PTPRC: variants seen among roughly 807,000 people sequenced by gnomAD.
The protein encoded by PTPRC is receptor-type tyrosine-protein phosphatase C.
PTPRC carries 44 observed loss-of-function variants against 155.9 expected under a neutral mutation model. The ratio of observed to expected loss-of-function variants is 0.28; its 90% CI spans 0.22 to 0.36. PTPRC has a LOEUF of 0.36. PTPRC is among the 10% of genes least tolerant of loss of function. The probability of loss-of-function intolerance (pLI) is 1.00; values close to 1 mark genes in which losing one functional copy is unlikely to be tolerated. For synonymous variants in PTPRC, 525 were observed against 533.1 expected, an observed-to-expected ratio of 0.98 and a Z score of 0.21; for missense variants, 1,401 against 1,564.6, an observed-to-expected ratio of 0.90 and a Z score of 1.76.
chr1:198,692,991 G>A, intron 3 of PTPRC: 9 of 936,774 alleles, frequency 9.6e-6, no homozygotes, highest in Non-Finnish European at 1.1e-5. Context: ...AATTGCAGAT[G>A]GTTAAATATC....
intron 15 of PTPRC, among the ~76,000 whole-genome samples, chr1:198,728,089 A>C (rs1654223433): frequency 6.6e-6 from 1 of 152,208 alleles, no homozygotes; most frequent in Non-Finnish European, 1.5e-5. Context: ...TATTTAATCA[A>C]AAGAAAGATA....
intron 14 of PTPRC, among the ~76,000 whole-genome samples, chr1:198,720,333 T>TTTA (rs1204722953): frequency 2.6e-5 from 4 of 152,056 alleles, no homozygotes; most frequent in Admixed American, 6.5e-5. Context: ...TTAAAAAAAT[T>TTTA]TTATTATTAT....
In PTPRC at chr1:198,747,222, G is replaced by A. The variant is rs186020099; in HGVS notation, c.2848-887G>A. 4.9e-3 allele frequency among the ~76,000 whole-genome samples: 726 copies of A among 149,678 alleles called. 3 individuals carry two copies. The highest frequency in any genetic ancestry group is 0.014 in the South Asian group (64 of 4,728). ...CTAGAGGGTAAGAAAAGTTATTAGA[G>A]CAACCAAAAGGGGAAAGGGTAGTTC... On this transcript the variant is annotated intron_variant, in intron 26 of 32. Coordinates refer to ENST00000442510, the MANE Select transcript of PTPRC (RefSeq NM_002838.5).
intron 2 of PTPRC, chr1:198,660,789 A>G (rs1663919480): frequency 6.6e-6 from 1 of 152,130 alleles, no homozygotes; most frequent in African/African-American, 2.4e-5. Context: ...ATAATCTACC[A>G]CCAACACAAT....
intron 2 of PTPRC, among the ~76,000 whole-genome samples, chr1:198,651,942 T>C (rs1019231585): frequency 4.0e-5 from 6 of 151,834 alleles, no homozygotes; most frequent in Non-Finnish European, 8.8e-5. Context: ...TGTTTCTACA[T>C]TGCTTCTAGT....
rs1198389678 is a variant in PTPRC, at chr1:198,640,993, A to G, written c.73+1652A>G. Among the ~76,000 whole-genome samples, 5 of 151,976 alleles carry G rather than the reference A, an allele frequency of 3.3e-5. No homozygotes were observed. In the East Asian group the frequency reaches 7.7e-4, roughly 23 times the overall value. ...AGACACATCTTTGAATTTATAATTG[A>G]AATAATATGATGGGGTCTAGAAACC... On this transcript the variant is annotated intron_variant, in intron 2 of 32. Transcript: ENST00000442510.
intron 2 of PTPRC, among the ~76,000 whole-genome samples, chr1:198,648,208 T>A (rs1663039737): frequency 6.6e-6 from 1 of 151,856 alleles, no homozygotes; most frequent in Non-Finnish European, 1.5e-5. Flanking sequence ...TAGACAATAG[T>A]CCTATTTTGT....
intron 2 of PTPRC, among the ~76,000 whole-genome samples, chr1:198,670,111 A>G (rs1455662754): frequency 6.6e-6 from 1 of 152,154 alleles, no homozygotes; most frequent in Non-Finnish European, 1.5e-5. Flanking sequence ...TTTTATAGTG[A>G]TATAGACATT....
At chr1:198,696,606 T>C in intron 3 of PTPRC, 106 bp from the exon 4 acceptor site, 1 of 917,062 alleles carries the variant, frequency 1.1e-6, no homozygotes, top group Non-Finnish European at 1.8e-6. Flanking sequence ...TATATGTACA[T>C]ACACACTATA....
At chr1:198,695,993 C>T (rs930398889) in intron 3 of PTPRC, among the ~76,000 whole-genome samples, 2 of 152,006 alleles carry the variant, frequency 1.3e-5, no homozygotes, top group African/African-American at 4.8e-5. Flanking sequence ...AACCCCATCT[C>T]TACTAAAAGT....
rs370437508 is a variant in PTPRC, at chr1:198,755,607, A to G, written c.3646-299A>G. Among the ~76,000 whole-genome samples, 13 of 152,240 alleles carry G rather than the reference A, an allele frequency of 8.5e-5. No homozygotes were observed. In the East Asian group the frequency reaches 1.9e-3, roughly 23 times the overall value. ...CTTAAATAATGTGTAGGCATTAGAC[A>G]GGAGGATAAGTACAAAACGTGGCAT... On this transcript the variant is annotated intron_variant, in intron 32 of 32. Transcript: ENST00000442510.
intron 22 of PTPRC, 39 bp downstream of exon 22, chr1:198,734,464 T>TA (rs1313254226): frequency 6.3e-7 from 1 of 1,582,982 alleles, no homozygotes; most frequent in East Asian, 2.2e-5. Context: ...GTCTTGGGGT[T>TA]AGGAAAACAA....
At chr1:198,672,213 C>A (rs74134781) in intron 2 of PTPRC, among the ~76,000 whole-genome samples, 13,183 of 152,098 alleles carry the variant, frequency 0.087, 605 homozygotes, top group Non-Finnish European at 0.099. Flanking sequence ...CAAAAGGAAA[C>A]AATACCCCTC....
chr1:198,644,334 A>T (rs1025260790), intron 2 of PTPRC, among the ~76,000 whole-genome samples: 5 of 151,862 alleles, frequency 3.3e-5, no homozygotes, highest in Admixed American at 6.6e-5. Context: ...ACTTTTTAAG[A>T]TATGATACAC....
chr1:198,713,127 T>C, intron 12 of PTPRC, 55 bp downstream of exon 12: 2 of 1,609,402 alleles, frequency 1.2e-6, no homozygotes, highest in Non-Finnish European at 1.7e-6. Context: ...AATTTGAAAG[T>C]ACTAGAAATT....
rs138349642 is a variant in PTPRC, at chr1:198,746,505, T to C, written c.2848-1604T>C. On this transcript the variant is annotated intron_variant, in intron 26 of 32. Transcript: ENST00000442510. ...GGGTGAAGTGACTGTTGGGAGAAGA[T>C]GATTAAGATAAATGGGAGTTCACAG... Among the ~76,000 whole-genome samples the C allele has an allele frequency of 3.6e-3, 546 of 150,560 alleles. 6 individuals are homozygous for C. Among genetic ancestry groups the C allele is most frequent in the African/African-American group, 0.012 (504 of 41,064 alleles).
chr1:198,670,547 C>T (rs1470332130), intron 2 of PTPRC, among the ~76,000 whole-genome samples: 1 of 152,052 alleles, frequency 6.6e-6, no homozygotes, highest in African/African-American at 2.4e-5. Context: ...AAGTCTAGAG[C>T]ATTTCTTCCA....
chr1:198,727,309 C>T (rs1282588932), intron 15 of PTPRC, among the ~76,000 whole-genome samples: 1 of 152,090 alleles, frequency 6.6e-6, no homozygotes, highest in African/African-American at 2.4e-5. Context: ...ACCTACATGA[C>T]CATTTACTTA....
intron 3 of PTPRC, chr1:198,694,121 G>C: frequency 1.9e-6 from 3 of 1,544,794 alleles, no homozygotes; most frequent in Non-Finnish European, 2.6e-6. Context: ...AGGCCCGAGA[G>C]CCCCTCACAA....
Sources: allele counts gnomAD v4.1 joint callset (sites outside exome capture counted in the v4.1 genomes callset), GRCh38; gene constraint gnomAD v4.1.1; transcripts MANE v1.5; gene names NCBI Gene and HGNC (gene_info 2026-07-23, HGNC 2026-07-21).